KCTD8: variants seen among roughly 807,000 people sequenced by gnomAD.
KCTD8 encodes the protein potassium channel tetramerization domain containing 8.
KCTD8 carries 27 observed loss-of-function variants against 31.5 expected under a neutral mutation model. The ratio of observed to expected loss-of-function variants is 0.86; its 90% CI spans 0.63 to 1.18. KCTD8 has a LOEUF of 1.18. Ranked by LOEUF, KCTD8 falls within the 50% of genes most tolerant of loss-of-function variation. The pLI, the probability that KCTD8 is intolerant of heterozygous loss-of-function variation, is 0.00. For missense variants in KCTD8, 658 were observed against 647.7 expected, an observed-to-expected ratio of 1.02 and a Z score of -0.17; for synonymous variants, 290 against 280.0, an observed-to-expected ratio of 1.04 and a Z score of -0.36.
At chr4:44,364,314 G>T (rs547361126) in intron 1 of KCTD8, among the ~76,000 whole-genome samples, 44 of 152,118 alleles carry the variant, frequency 2.9e-4, no homozygotes, top group Middle Eastern at 3.4e-3. Context: ...ATTACAGATG[G>T]CAAATAAGCA....
At chr4:44,209,498 ACACACACACACACACTCT>A (rs913912831) in intron 1 of KCTD8, among the ~76,000 whole-genome samples, 1 of 139,856 alleles carries the variant, frequency 7.2e-6, no homozygotes, top group Non-Finnish European at 1.6e-5. Flanking sequence ...CTACACACAT[ACACACACACACACACTCT>A]CACACACACA....
chr4:44,208,086 CCA>C (rs1443364552), intron 1 of KCTD8, among the ~76,000 whole-genome samples: 1 of 152,156 alleles, frequency 6.6e-6, no homozygotes, highest in Non-Finnish European at 1.5e-5. Context: ...CCTATGTCCA[CCA>C]CAGTTTTCCT....
intron 1 of KCTD8, among the ~76,000 whole-genome samples, chr4:44,342,686 A>G (rs1235897300): frequency 2.0e-5 from 3 of 152,240 alleles, no homozygotes; most frequent in Non-Finnish European, 4.4e-5. Flanking sequence ...ATCTCCTTCC[A>G]ATAGAAGGCT....
intron 1 of KCTD8, among the ~76,000 whole-genome samples, chr4:44,238,048 A>C (rs1233537427): frequency 1.3e-5 from 2 of 152,178 alleles, no homozygotes; most frequent in African/African-American, 4.8e-5. Context: ...CTCTGACAGG[A>C]TATCTAAACT....
At chr4:44,207,820 T>C (rs1011972913) in intron 1 of KCTD8, among the ~76,000 whole-genome samples, 4 of 152,212 alleles carry the variant, frequency 2.6e-5, no homozygotes, top group Admixed American at 6.5e-5. Flanking sequence ...GTTTTCTCTA[T>C]GGGAAGCCTA....
intron 1 of KCTD8, among the ~76,000 whole-genome samples, chr4:44,195,066 C>T (rs997115573): frequency 2.2e-4 from 34 of 151,462 alleles, no homozygotes; most frequent in Middle Eastern, 3.4e-3. Flanking sequence ...TTAGTACAGA[C>T]GGGGTTTCAC....
intron 1 of KCTD8, among the ~76,000 whole-genome samples, chr4:44,258,842 C>T (rs1445604298): frequency 1.3e-5 from 2 of 151,818 alleles, no homozygotes; most frequent in Non-Finnish European, 2.9e-5. Context: ...AAAACCACCA[C>T]TTAAGAACTA....
chr4:44,286,201 G>A (rs1011057227), intron 1 of KCTD8, among the ~76,000 whole-genome samples: 2 of 151,954 alleles, frequency 1.3e-5, no homozygotes, highest in African/African-American at 4.8e-5. Context: ...TAAATACCGA[G>A]TATATTTCAA....
intron 1 of KCTD8, among the ~76,000 whole-genome samples, chr4:44,425,412 C>G (rs555361151): frequency 6.6e-6 from 1 of 152,138 alleles, no homozygotes; most frequent in Non-Finnish European, 1.5e-5. Context: ...AAAATTAAAT[C>G]TAACAAATCA....
chr4:44,388,269 T>C (rs1720275310), intron 1 of KCTD8, among the ~76,000 whole-genome samples: 1 of 151,862 alleles, frequency 6.6e-6, no homozygotes, highest in South Asian at 2.1e-4. Flanking sequence ...GAGTGTAAAT[T>C]AGTACAGCCA....
chr4:44,446,389 G>A (rs1721937836), intron 1 of KCTD8, among the ~76,000 whole-genome samples: 2 of 152,192 alleles, frequency 1.3e-5, no homozygotes, highest in Non-Finnish European at 2.9e-5. Context: ...GTTTTAACTT[G>A]TGTCTGGCCA....
At chr4:44,429,887 G>GGACA (rs1283663940) in intron 1 of KCTD8, among the ~76,000 whole-genome samples, 4 of 151,622 alleles carry the variant, frequency 2.6e-5, no homozygotes, top group African/African-American at 9.7e-5. Context: ...GGTTCAGTGT[G>GGACA]GACAGGTTTA....
chr4:44,272,491 T>C (rs1716642703), intron 1 of KCTD8, among the ~76,000 whole-genome samples: 1 of 152,074 alleles, frequency 6.6e-6, no homozygotes, highest in Non-Finnish European at 1.5e-5. Context: ...ATTTAAAATA[T>C]GTGTAGAATG....
intron 1 of KCTD8, among the ~76,000 whole-genome samples, chr4:44,269,749 T>G (rs1716520637): frequency 6.6e-6 from 1 of 152,072 alleles, no homozygotes; most frequent in Non-Finnish European, 1.5e-5. Flanking sequence ...CAGACACTTC[T>G]CAAAAGAAGA....
chr4:44,321,529 C>T (rs1718295421), intron 1 of KCTD8, among the ~76,000 whole-genome samples: 1 of 152,056 alleles, frequency 6.6e-6, no homozygotes, highest in African/African-American at 2.4e-5. Context: ...TACTTTGATA[C>T]ATGTATACAA....
chr4:44,415,378 C>G (rs1212148633), intron 1 of KCTD8, among the ~76,000 whole-genome samples: 1 of 152,106 alleles, frequency 6.6e-6, no homozygotes, highest in African/African-American at 2.4e-5. Flanking sequence ...TCCAAGCAGG[C>G]TGCAGAGAAA....
intron 1 of KCTD8, among the ~76,000 whole-genome samples, chr4:44,394,807 A>C (rs1433522183): frequency 6.6e-6 from 1 of 152,196 alleles, no homozygotes; most frequent in South Asian, 2.1e-4. Flanking sequence ...TTAATTGAGC[A>C]TGAATTTACC....
At chr4:44,389,314 T>C (rs1235416880) in intron 1 of KCTD8, among the ~76,000 whole-genome samples, 1 of 151,798 alleles carries the variant, frequency 6.6e-6, no homozygotes, top group African/African-American at 2.4e-5. Context: ...GGATAAATGC[T>C]TGAGGTGATG....
At chr4:44,250,363 T>A (rs1426588041) in intron 1 of KCTD8, among the ~76,000 whole-genome samples, 1 of 151,846 alleles carries the variant, frequency 6.6e-6, no homozygotes, top group Non-Finnish European at 1.5e-5. Flanking sequence ...GTTTTAATAC[T>A]AATTGCTTAG....
Sources: allele counts gnomAD v4.1 joint callset (sites outside exome capture counted in the v4.1 genomes callset), GRCh38; gene constraint gnomAD v4.1.1; transcripts MANE v1.5; gene names NCBI Gene and HGNC (gene_info 2026-07-23, HGNC 2026-07-21).